The following NEBL variants were observed in gnomAD, a reference collection of about 807,000 sequenced individuals.
NEBL encodes the protein nebulette.
Under a neutral mutation model 140.2 loss-of-function variants are expected in NEBL, and 122 were observed. The observed-to-expected ratio is 0.87, with a 90% CI of 0.75 to 1.01. The LOEUF (loss-of-function observed/expected upper bound fraction) is 1.01. Among genes scored for constraint, NEBL ranks in the 50% least tolerant of loss-of-function variants. NEBL has a pLI of 0.00. For missense variants in NEBL, 1,365 were observed against 1,231.3 expected (o/e 1.11, Z -1.62); for synonymous variants, 436 against 398.9 (o/e 1.09, Z -1.11).
At chr10:21,124,946 C>T (rs1038466304) in intron 2 of NEBL, among the ~76,000 whole-genome samples, 1 of 152,102 alleles carries the variant, frequency 6.6e-6, no homozygotes, top group African/African-American at 2.4e-5. Context: ...TGAAGCAGAG[C>T]AAGACTACAT....
At chr10:20,858,488 T>C (rs906844873) in intron 8 of NEBL, 144 bp from the exon 9 acceptor site, 1 of 716,532 alleles carries the variant, frequency 1.4e-6, no homozygotes, top group Non-Finnish European at 2.4e-6. Context: ...TAGATGGTGC[T>C]GATTTACTAC....
intron 3 of NEBL, among the ~76,000 whole-genome samples, chr10:21,237,923 C>T (rs1465622787): frequency 6.6e-6 from 1 of 152,152 alleles, no homozygotes; most frequent in Non-Finnish European, 1.5e-5. Flanking sequence ...CCCTGATGTT[C>T]TATTCTACCT....
At chr10:21,234,188 T>G (rs1211196750) in intron 3 of NEBL, among the ~76,000 whole-genome samples, 1 of 152,094 alleles carries the variant, frequency 6.6e-6, no homozygotes. Context: ...AAAGTGGATT[T>G]GGATTCAGAG....
intron 9 of NEBL, among the ~76,000 whole-genome samples, chr10:20,854,158 C>T (rs924355921): frequency 1.4e-4 from 22 of 152,112 alleles, no homozygotes; most frequent in Admixed American, 8.5e-4. Context: ...CTTAAAGACT[C>T]AAGGCTACAG....
intron 1 of NEBL, among the ~76,000 whole-genome samples, chr10:21,284,807 A>G (rs1296867654): frequency 1.3e-5 from 2 of 152,158 alleles, no homozygotes; most frequent in Non-Finnish European, 2.9e-5. Flanking sequence ...ATTCAAGCCA[A>G]CTGGTCTACT....
At chr10:21,069,905 T>G in intron 2 of NEBL, 1 of 428,362 alleles carries the variant, frequency 2.3e-6, no homozygotes, top group South Asian at 1.7e-5. Context: ...CTTCTGCAAT[T>G]TTCCCCTGAT....
At chr10:21,284,971 G>C (rs1228882431) in intron 1 of NEBL, among the ~76,000 whole-genome samples, 1 of 152,158 alleles carries the variant, frequency 6.6e-6, no homozygotes, top group Non-Finnish European at 1.5e-5. Context: ...GACTGAGGCA[G>C]GAGGATCTTT....
intron 4 of NEBL, among the ~76,000 whole-genome samples, chr10:20,933,064 C>CA (rs375383000): frequency 8.2e-4 from 117 of 143,516 alleles, no homozygotes; most frequent in South Asian, 1.6e-3. Context: ...GTTTGCATGA[C>CA]AAAAAAAAAA....
Position 20,783,544 on chromosome 10 carries a change from C to A in NEBL, c.*2203G>T, listed in dbSNP as rs879922306. On this transcript the variant is annotated 3_prime_UTR_variant, in exon 28 of 28. Coordinates refer to ENST00000377122, the MANE Select transcript of NEBL (RefSeq NM_006393.3). ...ATGAAATTACTTTCCTGATTACAAG[C>A]ATTATTTCAAGTCAGTTTTCATTGC... 2.0e-5 allele frequency: 3 copies of A among 152,208 alleles called. No individual in the cohort carries two copies. Among genetic ancestry groups the A allele is most frequent in the Non-Finnish European group, 4.4e-5 (3 of 68,036 alleles). The allele number at this position is 152,208 out of a possible 1,614,324, so 9.4% of individuals were successfully genotyped here.
At chr10:21,154,818 T>C (rs1432651015) in intron 2 of NEBL, among the ~76,000 whole-genome samples, 1 of 152,218 alleles carries the variant, frequency 6.6e-6, no homozygotes, top group Non-Finnish European at 1.5e-5. Flanking sequence ...ACTTTTTGAA[T>C]TTTTTATTTT....
At chr10:20,807,006 A>C (rs2130750119) in intron 26 of NEBL, among the ~76,000 whole-genome samples, 1 of 152,332 alleles carries the variant, frequency 6.6e-6, no homozygotes, top group Admixed American at 6.5e-5. Flanking sequence ...CACTGAGGGC[A>C]TAAATCAGTG....
chr10:21,179,428 G>A (rs530183300), upstream of NEBL, among the ~76,000 whole-genome samples: 10 of 152,174 alleles, frequency 6.6e-5, no homozygotes, highest in Admixed American at 2.0e-4. Context: ...AGAATGCAGC[G>A]TCCATGTCCT....
At chr10:20,981,391 T>C (rs1837033336) in intron 3 of NEBL, among the ~76,000 whole-genome samples, 1 of 148,614 alleles carries the variant, frequency 6.7e-6, no homozygotes, top group African/African-American at 2.6e-5. Flanking sequence ...TATGAAGAAT[T>C]CTACTGCATC....
At chr10:21,236,060 A>G (rs994133157) in intron 3 of NEBL, among the ~76,000 whole-genome samples, 1 of 152,224 alleles carries the variant, frequency 6.6e-6, no homozygotes, top group East Asian at 1.9e-4. Context: ...CTTTATTTAT[A>G]TGACAAAACA....
chr10:21,004,506 G>A (rs1838038458), intron 3 of NEBL, among the ~76,000 whole-genome samples: 1 of 152,118 alleles, frequency 6.6e-6, no homozygotes, highest in Non-Finnish European at 1.5e-5. Context: ...AGATCACGAG[G>A]TCAGGAGATC....
intron 2 of NEBL, among the ~76,000 whole-genome samples, chr10:21,165,504 C>T (rs1010516429): frequency 3.3e-5 from 5 of 152,162 alleles, no homozygotes; most frequent in Non-Finnish European, 7.3e-5. Flanking sequence ...TGGGCCTTAT[C>T]CTAAACTAGG....
At chr10:21,211,911 A>T (rs1335500877) in intron 3 of NEBL, among the ~76,000 whole-genome samples, 1 of 152,148 alleles carries the variant, frequency 6.6e-6, no homozygotes, top group East Asian at 1.9e-4. Context: ...TCTTTCATAA[A>T]TGACCTACCA....
intron 1 of NEBL, among the ~76,000 whole-genome samples, chr10:21,283,173 G>A (rs559861270): frequency 6.6e-6 from 1 of 150,824 alleles, no homozygotes; most frequent in South Asian, 2.1e-4. Flanking sequence ...AAAGAAGCCA[G>A]CTAAAACCCA....
intron 4 of NEBL, among the ~76,000 whole-genome samples, chr10:20,940,273 T>G (rs1682128781): frequency 6.6e-6 from 1 of 151,498 alleles, no homozygotes; most frequent in African/African-American, 2.4e-5. Context: ...AACTCAGGAT[T>G]AAGAAACTCA....
Sources: gnomAD v4.1 joint callset for allele counts (sites outside exome capture counted in the v4.1 genomes callset) on GRCh38, gnomAD v4.1.1 for gene constraint, MANE v1.5 for transcripts, NCBI Gene and HGNC (gene_info 2026-07-23, HGNC 2026-07-21) for gene names.